CSMD1: variants seen among roughly 807,000 people sequenced by gnomAD.
CSMD1 encodes CUB and Sushi multiple domains 1.
In CSMD1, 213 loss-of-function variants were observed where a neutral mutation model predicts 417.5. The ratio of observed to expected loss-of-function variants is 0.51; its 90% CI spans 0.46 to 0.57. The LOEUF (loss-of-function observed/expected upper bound fraction) is 0.57. Ranked by LOEUF, CSMD1 falls within the 20% of genes least tolerant of loss-of-function variation. The pLI is 0.00. For synonymous variants in CSMD1, 2,862 were observed against 1,736.8 expected (o/e 1.65, Z -16.11); for missense variants, 6,923 against 4,529.7 (o/e 1.53, Z -15.17).
chr8:4,403,407 C>T (rs190443440), intron 3 of CSMD1, among the ~76,000 whole-genome samples: 1 of 152,178 alleles, frequency 6.6e-6, no homozygotes, highest in East Asian at 1.9e-4. Flanking sequence ...TCTTTTGAAC[C>T]ACAGAAGTAA....
intron 2 of CSMD1, among the ~76,000 whole-genome samples, chr8:4,506,502 C>T (rs974793478): frequency 2.6e-5 from 4 of 152,000 alleles, no homozygotes; most frequent in African/African-American, 9.7e-5. Flanking sequence ...GAAACAATGG[C>T]GGATGGCAGG....
intron 7 of CSMD1, among the ~76,000 whole-genome samples, chr8:3,656,614 G>A (rs1027421934): frequency 3.3e-5 from 5 of 152,136 alleles, no homozygotes; most frequent in African/African-American, 9.7e-5. Flanking sequence ...CTTCCTTGCT[G>A]GTGCAGCTGT....
rs116647472 is a variant in CSMD1, at chr8:4,548,679, C to T, written c.302+88663G>A. The stretch of plus-strand genomic sequence containing the variant: ...CACAATTAGGTGTTTGATTTTCCAT[C>T]TACCTGTCTACAAAGCATTTCTCTT... On this transcript the variant is annotated intron_variant, in intron 2 of 69. Transcript: ENST00000635120. Among the ~76,000 whole-genome samples, 626 of 152,292 alleles carry T rather than the reference C, an allele frequency of 4.1e-3. 9 individuals carry two copies. Among genetic ancestry groups the T allele is most frequent in the African/African-American group, 0.014 (593 of 41,546 alleles).
chr8:3,690,213 G>T (rs56410934), intron 7 of CSMD1, among the ~76,000 whole-genome samples: 21,674 of 152,120 alleles, frequency 0.14, 1,641 homozygotes, highest in African/African-American at 0.2. Flanking sequence ...ACAAAAATTA[G>T]CCAGGCATGG....
rs956246715 is a variant in CSMD1 at position 4,841,283 on chromosome 8, G to C, written c.85+153049C>G. On this transcript the variant is annotated intron_variant, in intron 1 of 69. Transcript: ENST00000635120. ...CAATGCAGCCTTTGGTTATTGATTA[G>C]CCTTAAGATTTTTAAACATATTGAA... Among the ~76,000 whole-genome samples, 25 of 152,278 alleles carry C rather than the reference G, an allele frequency of 1.6e-4. No homozygotes were observed. In the East Asian group the frequency reaches 2.7e-3, roughly 16 times the overall value.
In CSMD1 at chr8:3,890,020, A is replaced by T. The variant is rs1218844077; in HGVS notation, c.818+107883T>A. On this transcript the variant is annotated intron_variant, in intron 5 of 69. Coordinates refer to ENST00000635120, the MANE Select transcript of CSMD1 (RefSeq NM_033225.6). ...AATATAGGGAGATCCCTTCTCAAAA[A>T]ATATAAACATTTTTTTAAAAAAGTT... Among the ~76,000 whole-genome samples the T allele has an allele frequency of 2.0e-5, 3 of 152,116 alleles. No individual in the cohort carries two copies. The East Asian group carries it at 5.8e-4, about 29-fold the overall frequency.
At chr8:3,713,324 A>G (rs1016677342) in intron 6 of CSMD1, among the ~76,000 whole-genome samples, 1 of 152,196 alleles carries the variant, frequency 6.6e-6, no homozygotes, top group Non-Finnish European at 1.5e-5. Context: ...AACCATTACT[A>G]TATTTGAATG....
intron 2 of CSMD1, among the ~76,000 whole-genome samples, chr8:4,488,678 T>C (rs1485917159): frequency 6.8e-6 from 1 of 147,438 alleles, no homozygotes; most frequent in Non-Finnish European, 1.5e-5. Flanking sequence ...TACATAATCA[T>C]GGCGGTGGGG....
chr8:4,866,307 T>C (rs1165960551), intron 1 of CSMD1, among the ~76,000 whole-genome samples: 1 of 151,982 alleles, frequency 6.6e-6, no homozygotes, highest in Non-Finnish European at 1.5e-5. Context: ...TATTATCTAG[T>C]GATCTATTGA....
intron 20 of CSMD1, 83 bp from the exon 21 acceptor site, chr8:3,359,423 T>G (rs10103950): frequency 1.2e-6 from 1 of 835,986 alleles, no homozygotes; most frequent in Non-Finnish European, 1.7e-6. Flanking sequence ...AAAGTGCTAT[T>G]ACTAAAAAAA....
chr8:3,959,080 C>T (rs1181398098), intron 5 of CSMD1, among the ~76,000 whole-genome samples: 1 of 152,186 alleles, frequency 6.6e-6, no homozygotes, highest in East Asian at 1.9e-4. Flanking sequence ...TCAAGCTCAG[C>T]TCTTAACAAC....
chr8:3,706,748 G>GT (rs1163664100), intron 7 of CSMD1, among the ~76,000 whole-genome samples: 5 of 151,620 alleles, frequency 3.3e-5, no homozygotes, highest in African/African-American at 1.2e-4. Context: ...TTTGTGCAGG[G>GT]TTTTATCATA....
At chr8:4,560,527 C>T (rs1563287220) in intron 2 of CSMD1, among the ~76,000 whole-genome samples, 1 of 152,182 alleles carries the variant, frequency 6.6e-6, no homozygotes, top group Non-Finnish European at 1.5e-5. Flanking sequence ...ATTTTGCATG[C>T]ATGGAAACCT....
chr8:2,951,846 C>A (rs1802659152), intron 65 of CSMD1, among the ~76,000 whole-genome samples: 1 of 152,172 alleles, frequency 6.6e-6, no homozygotes, highest in Admixed American at 6.6e-5. Flanking sequence ...CATTCATACT[C>A]TTCTGTTCTT....
chr8:4,935,422 G>A (rs1163617713), intron 1 of CSMD1, among the ~76,000 whole-genome samples: 1 of 152,112 alleles, frequency 6.6e-6, no homozygotes, highest in Non-Finnish European at 1.5e-5. Context: ...GAAGTTACCG[G>A]TTCATTTCTA....
chr8:3,498,094 C>T (rs1184262218), intron 10 of CSMD1, among the ~76,000 whole-genome samples: 2 of 151,454 alleles, frequency 1.3e-5, no homozygotes, highest in African/African-American at 4.9e-5. Context: ...ATTTCTTCTT[C>T]TTTTTTCTTT....
Position 4,027,590 on chromosome 8 carries a change from G to A in CSMD1, c.610+4315C>T, listed in dbSNP as rs117577910. ...TAACTGCATGGTTCCTGAGGCCTCC[G>A]CAGCCATGCAGAACTGTGAGTGAAT... On this transcript the variant is annotated intron_variant, in intron 4 of 69. Coordinates refer to ENST00000635120, the MANE Select transcript of CSMD1 (RefSeq NM_033225.6). Among the ~76,000 whole-genome samples the A allele has an allele frequency of 4.3e-3, 650 of 152,148 alleles. 23 individuals carry two copies. The East Asian group carries it at 0.078, about 18-fold the overall frequency.
chr8:4,688,293 A>G (rs942566142), intron 1 of CSMD1, among the ~76,000 whole-genome samples: 1 of 152,168 alleles, frequency 6.6e-6, no homozygotes, highest in Non-Finnish European at 1.5e-5. Flanking sequence ...ATCTATGTCA[A>G]AAAACTGAAA....
chr8:3,040,842 G>C (rs11989348), intron 50 of CSMD1, among the ~76,000 whole-genome samples: 5 of 152,192 alleles, frequency 3.3e-5, no homozygotes, highest in Middle Eastern at 6.8e-3. Context: ...TAGATGATTT[G>C]AATGTTTTGT....
Sources: gnomAD v4.1 joint callset for allele counts (sites outside exome capture counted in the v4.1 genomes callset) on GRCh38, gnomAD v4.1.1 for gene constraint, MANE v1.5 for transcripts, NCBI Gene and HGNC (gene_info 2026-07-23, HGNC 2026-07-21) for gene names.